The following ADAMTS20 variants were observed in gnomAD, a reference collection of about 807,000 sequenced individuals.
ADAMTS20 encodes the protein ADAM metallopeptidase with thrombospondin type 1 motif 20, also known as A disintegrin and metalloproteinase with thrombospondin motifs 20.
In ADAMTS20, 225 loss-of-function variants were observed where a neutral mutation model predicts 260.1. The observed-to-expected ratio is 0.87, with a 90% CI of 0.78 to 0.97. The LOEUF is 0.97. Among genes scored for constraint, ADAMTS20 ranks in the 50% least tolerant of loss-of-function variants. The probability of loss-of-function intolerance (pLI) is 0.00; values close to 1 mark genes in which losing one functional copy is unlikely to be tolerated. For synonymous variants in ADAMTS20, 802 were observed against 769.5 expected (o/e 1.04, Z -0.70); for missense variants, 2,400 against 2,337.7 (o/e 1.03, Z -0.55).
intron 29 of ADAMTS20, among the ~76,000 whole-genome samples, chr12:43,398,853 A>G (rs1009024068): frequency 3.3e-5 from 5 of 152,220 alleles, no homozygotes; most frequent in Admixed American, 3.3e-4. Context: ...TTAATTTTTT[A>G]AAAAATCAAA....
chr12:43,496,661 T>C (rs1942681727), intron 4 of ADAMTS20, among the ~76,000 whole-genome samples: 1 of 152,168 alleles, frequency 6.6e-6, no homozygotes, highest in African/African-American at 2.4e-5. Context: ...AATATCCATG[T>C]TGAGGCACTG....
chr12:43,442,433 T>A (rs1941684411), intron 16 of ADAMTS20, among the ~76,000 whole-genome samples: 1 of 151,986 alleles, frequency 6.6e-6, no homozygotes, highest in Non-Finnish European at 1.5e-5. Flanking sequence ...AATTTTTGTA[T>A]TTTTAGTAGA....
chr12:43,397,076 T>C (rs989434401), intron 29 of ADAMTS20, among the ~76,000 whole-genome samples: 1 of 152,156 alleles, frequency 6.6e-6, no homozygotes, highest in Non-Finnish European at 1.5e-5. Flanking sequence ...GACACACCTC[T>C]ATCCAGATCA....
intron 6 of ADAMTS20, 38 bp downstream of exon 6, chr12:43,492,466 TA>T (rs766233306): frequency 4.1e-5 from 65 of 1,591,142 alleles, no homozygotes; most frequent in Non-Finnish European, 5.5e-5. Context: ...GAGGGAAGAG[TA>T]AAGGATTGTA....
intron 3 of ADAMTS20, among the ~76,000 whole-genome samples, chr12:43,523,808 C>T (rs929960998): frequency 6.6e-6 from 1 of 152,050 alleles, no homozygotes; most frequent in Non-Finnish European, 1.5e-5. Context: ...CTCAGAGAGT[C>T]AGAGCAAGGA....
At chr12:43,509,141 C>G (rs147004102) in intron 3 of ADAMTS20, among the ~76,000 whole-genome samples, 31 of 152,130 alleles carry the variant, frequency 2.0e-4, no homozygotes, top group African/African-American at 7.2e-4. Context: ...CATATTTTCT[C>G]TTTCCAGTCT....
At chr12:43,502,543 T>C (rs1592100364) in intron 3 of ADAMTS20, 138 bp from the exon 4 acceptor site, 1 of 859,494 alleles carries the variant, frequency 1.2e-6, no homozygotes, top group Non-Finnish European at 1.7e-6. Context: ...AAAGAGAAAT[T>C]GTTATTTAAA....
Position 43,545,052 on chromosome 12 carries a change from A to G in ADAMTS20, c.453+5857T>C, listed in dbSNP as rs79168703. On this transcript the variant is annotated intron_variant, in intron 2 of 38. Transcript: ENST00000389420. ...GACATTGCCAAATGTCTTCTGGGGG[A>G]CAAAACTGCTCCCAGTAAGGAAGCA... is the stretch of plus-strand genomic sequence containing the variant. 3.9e-3 allele frequency among the ~76,000 whole-genome samples: 598 copies of G among 152,266 alleles called. 10 individuals carry two copies. Among genetic ancestry groups the G allele is most frequent in the African/African-American group, 0.014 (573 of 41,556 alleles).
intron 28 of ADAMTS20, among the ~76,000 whole-genome samples, chr12:43,407,652 A>T (rs1940943798): frequency 6.6e-6 from 1 of 152,068 alleles, no homozygotes; most frequent in Non-Finnish European, 1.5e-5. Flanking sequence ...ACTATTAGAA[A>T]ATCGGAACAA....
At chr12:43,514,870 G>C (rs531185541) in intron 3 of ADAMTS20, among the ~76,000 whole-genome samples, 1 of 152,184 alleles carries the variant, frequency 6.6e-6, no homozygotes, top group African/African-American at 2.4e-5. Context: ...AATTCATGCT[G>C]AATATCGATA....
chr12:43,428,628 T>C lies in ADAMTS20; in HGVS notation c.3654+7A>G. The C allele has an allele frequency of 6.5e-7, 1 of 1,549,280 alleles. No individual in the cohort carries two copies. The highest frequency in any genetic ancestry group is 8.7e-7 in the Non-Finnish European group (1 of 1,150,946). On this transcript the variant is annotated splice_region_variant and intron_variant, in intron 25 of 38. Transcript: ENST00000389420. ...TCATTTTCTTTTTTTCTCATAAGAA[T>C]ACTTACGGGTGACCAATCCCCTGCT... is the stretch of plus-strand genomic sequence containing the variant.
Position 43,464,606 on chromosome 12 carries a change from T to A in ADAMTS20, c.1494A>T (p.Gln498His). Residue 498 changes from glutamine (Q) to histidine (H), a missense_variant, in exon 10 of 39, where the codon CAA (glutamine) becomes CAT (histidine). Coordinates refer to ENST00000389420, the MANE Select transcript of ADAMTS20 (RefSeq NM_025003.5). ...CTTTTCTTACTATATGGGGACACAT[T>A]TGTGACCCAGGACCAAACGCAAGCT... Reference protein sequence around the residue: ...QCELAFGPGSQMCPHINICMH... With the variant: ...QCELAFGPGSHMCPHINICMH... 6.2e-7 allele frequency: 1 copy of A among 1,612,806 alleles called. No individual in the cohort carries two copies. The highest frequency in any genetic ancestry group is 8.5e-7 in the Non-Finnish European group (1 of 1,179,288).
At chr12:43,384,032 AAAAGTAGCC>A in intron 29 of ADAMTS20, 55 bp from the exon 30 acceptor site, 1 of 1,488,100 alleles carries the variant, frequency 6.7e-7, no homozygotes, top group Non-Finnish European at 9.0e-7. Context: ...CAAATTATAT[AAAAGTAGCC>A]AATGGAGCCA....
At chr12:43,445,819 TA>T (rs1941750124) in intron 15 of ADAMTS20, among the ~76,000 whole-genome samples, 1 of 152,140 alleles carries the variant, frequency 6.6e-6, no homozygotes, top group Non-Finnish European at 1.5e-5. Context: ...GCCACTGTAC[TA>T]CAGCCTGGGC....
intron 7 of ADAMTS20, among the ~76,000 whole-genome samples, chr12:43,485,808 A>G (rs1481668070): frequency 1.3e-5 from 2 of 152,154 alleles, no homozygotes; most frequent in African/African-American, 4.8e-5. Context: ...CAAGAACTCA[A>G]TCCCTTTTAC....
chr12:43,547,716 A>G lies in ADAMTS20; in HGVS notation c.453+3193T>C, dbSNP rs148153205. ...GTGATGCAGCAGGACTTTGTATTTG[A>G]AGGCTGCACAATGAATCACTGAGAC... is the stretch of plus-strand genomic sequence containing the variant. On this transcript the variant is annotated intron_variant, in intron 2 of 38. Transcript: ENST00000389420. 5.7e-3 allele frequency among the ~76,000 whole-genome samples: 866 copies of G among 152,322 alleles called. 2 individuals carry two copies. Among genetic ancestry groups the G allele is most frequent in the Non-Finnish European group, 7.0e-3 (477 of 68,020 alleles).
chr12:43,527,692 A>G (rs1194103426), intron 3 of ADAMTS20, among the ~76,000 whole-genome samples: 1 of 152,166 alleles, frequency 6.6e-6, no homozygotes, highest in Non-Finnish European at 1.5e-5. Flanking sequence ...ATACCTCAAA[A>G]TAATAAAAGC....
At chr12:43,369,516 G>T (rs1940061273) in intron 36 of ADAMTS20, 135 bp from the exon 37 acceptor site, 2 of 319,800 alleles carry the variant, frequency 6.3e-6, no homozygotes. Context: ...AAGCACAAAT[G>T]CCACAATTCT....
chr12:43,486,624 C>T (rs1266027032), intron 7 of ADAMTS20, among the ~76,000 whole-genome samples: 2 of 152,130 alleles, frequency 1.3e-5, no homozygotes, highest in Admixed American at 1.3e-4. Flanking sequence ...AAGAAATAAT[C>T]ATCAGAGTAA....
Sources: gnomAD v4.1 joint callset for allele counts (sites outside exome capture counted in the v4.1 genomes callset) on GRCh38, gnomAD v4.1.1 for gene constraint, MANE v1.5 for transcripts, NCBI Gene and HGNC (gene_info 2026-07-23, HGNC 2026-07-21) for gene names.